Variants in NFAT5 observed in about 807,000 individuals in gnomAD.
NFAT5 encodes the protein nuclear factor of activated T-cells 5.
Under a neutral mutation model 166.5 loss-of-function variants are expected in NFAT5, and 31 were observed. That is an observed-to-expected ratio of 0.19 (90% CI 0.14 to 0.25). The LOEUF is 0.25. Among genes scored for constraint, NFAT5 ranks in the 10% least tolerant of loss-of-function variants. The pLI is 1.00. For synonymous variants in NFAT5, 612 were observed against 639.7 expected (o/e 0.96, Z 0.65); for missense variants, 1,449 against 1,821.8 (o/e 0.80, Z 3.72).
At chr16:69,627,921 A>AT (rs1375885047) in intron 3 of NFAT5, among the ~76,000 whole-genome samples, 2 of 152,294 alleles carry the variant, frequency 1.3e-5, no homozygotes, top group South Asian at 4.1e-4. Flanking sequence ...AAGATAAAAT[A>AT]TTTTTTATGA....
chr16:69,645,398 T>C (rs1276072644), intron 3 of NFAT5, among the ~76,000 whole-genome samples: 1 of 152,198 alleles, frequency 6.6e-6, no homozygotes, highest in Non-Finnish European at 1.5e-5. Flanking sequence ...CTTATGGTAG[T>C]TGGGAAAAAT....
chr16:69,591,156 G>A (rs934077257), intron 2 of NFAT5, among the ~76,000 whole-genome samples: 14 of 151,958 alleles, frequency 9.2e-5, no homozygotes, highest in Admixed American at 5.9e-4. Context: ...GGTCTCAAAC[G>A]CCTGACCTCA....
intron 2 of NFAT5, among the ~76,000 whole-genome samples, chr16:69,616,161 G>A (rs574505330): frequency 2.6e-5 from 4 of 152,020 alleles, no homozygotes; most frequent in South Asian, 4.2e-4. Context: ...CTTTCCCACC[G>A]TAGGCAACCC....
At position 69,700,369 on chromosome 16, in the gene NFAT5, C is replaced by G. The variant is rs2037876957; in HGVS notation, c.*4018C>G. 6.6e-6 allele frequency: 1 copy of G among 152,176 alleles called. No individual in the cohort carries two copies. The highest frequency in any genetic ancestry group is 1.5e-5 in the Non-Finnish European group (1 of 68,042). The allele number at this position is 152,176 out of a possible 1,614,324, so 9.4% of individuals were successfully genotyped here. On this transcript the variant is annotated 3_prime_UTR_variant, in exon 15 of 15. Coordinates refer to ENST00000349945, the MANE Select transcript of NFAT5 (RefSeq NM_138713.4). ...AAATGAGAAAGTTGTATCTGAGTCC[C>G]TCCAGAACTAAGATAATTCTTTTTG...
At chr16:69,597,912 G>T (rs1156736269) in intron 2 of NFAT5, among the ~76,000 whole-genome samples, 3 of 152,000 alleles carry the variant, frequency 2.0e-5, no homozygotes, top group African/African-American at 7.2e-5. Flanking sequence ...GTGAATAGAG[G>T]GTAGATAACT....
intron 10 of NFAT5, among the ~76,000 whole-genome samples, chr16:69,683,440 G>T (rs1440731900): frequency 1.3e-5 from 2 of 151,596 alleles, no homozygotes; most frequent in African/African-American, 4.9e-5. Flanking sequence ...GCTGAGGTGG[G>T]TGATGGCTTG....
At chr16:69,608,313 C>T (rs1364183939) in intron 2 of NFAT5, among the ~76,000 whole-genome samples, 1 of 152,136 alleles carries the variant, frequency 6.6e-6, no homozygotes, top group African/African-American at 2.4e-5. Flanking sequence ...ATGATCACTA[C>T]TCAACTAGAT....
At chr16:69,666,355 A>G (rs1485116714) in intron 7 of NFAT5, among the ~76,000 whole-genome samples, 1 of 152,078 alleles carries the variant, frequency 6.6e-6, no homozygotes, top group Non-Finnish European at 1.5e-5. Flanking sequence ...CTGCACAGCA[A>G]AAGAAACTAC....
At chr16:69,574,818 A>G (rs993939144) in intron 2 of NFAT5, among the ~76,000 whole-genome samples, 14 of 151,778 alleles carry the variant, frequency 9.2e-5, no homozygotes, top group African/African-American at 3.4e-4. Flanking sequence ...ACAGGCACGC[A>G]CCACCATGTC....
intron 2 of NFAT5, among the ~76,000 whole-genome samples, chr16:69,625,000 A>G (rs181731356): frequency 8.7e-4 from 132 of 151,800 alleles, no homozygotes; most frequent in Admixed American, 1.6e-3. Context: ...CCTGGGTTCA[A>G]GTGATTCTCC....
chr16:69,642,219 G>A (rs2035244683), intron 3 of NFAT5, among the ~76,000 whole-genome samples: 1 of 152,128 alleles, frequency 6.6e-6, no homozygotes, highest in African/African-American at 2.4e-5. Flanking sequence ...GCCAGTCTTT[G>A]AATCTCAACT....
intron 2 of NFAT5, among the ~76,000 whole-genome samples, chr16:69,600,711 A>G (rs2033081287): frequency 6.7e-6 from 1 of 149,412 alleles, no homozygotes; most frequent in African/African-American, 2.5e-5. Context: ...AGTAGCCTTA[A>G]GAGAATCATC....
At chr16:69,569,770 T>C (rs962668823) in intron 2 of NFAT5, among the ~76,000 whole-genome samples, 1 of 152,240 alleles carries the variant, frequency 6.6e-6, no homozygotes, top group South Asian at 2.1e-4. Flanking sequence ...TTAGAGCATA[T>C]AAAATGTTCT....
At position 69,677,234 on chromosome 16, in the gene NFAT5, A is replaced by G; in HGVS notation, c.1589A>G (p.His530Arg). Residue 530 changes from histidine to arginine, a missense_variant, in exon 10 of 15, where the codon CAT becomes CGT. Physicochemically the swap from His to Arg is conservative, Grantham distance 29. This residue lies in a region of NFAT5 where 245 missense variants were observed against 366.6 expected (regional missense o/e 0.67). Coordinates refer to ENST00000349945, the MANE Select transcript of NFAT5 (RefSeq NM_138713.4). Reference protein sequence around the residue: ...NHLIVKVPPYHDQHITLPVSV... With the variant: ...NHLIVKVPPYRDQHITLPVSV... ...CTTATTGTGAAGGTTCCTCCCTATC[A>G]TGACCAACATATAACTTTGCCTGTG... The G allele has an allele frequency of 6.2e-7, 1 of 1,610,588 alleles. No individual in the cohort carries two copies. The highest frequency in any genetic ancestry group is 8.5e-7 in the Non-Finnish European group (1 of 1,179,060).
At chr16:69,644,091 C>G (rs992617630) in intron 3 of NFAT5, among the ~76,000 whole-genome samples, 2 of 152,068 alleles carry the variant, frequency 1.3e-5, no homozygotes, top group Admixed American at 1.3e-4. Context: ...TTTGAGACCA[C>G]CTGGGCAGCA....
At chr16:69,642,709 C>T (rs1453403071) in intron 3 of NFAT5, among the ~76,000 whole-genome samples, 1 of 151,426 alleles carries the variant, frequency 6.6e-6, no homozygotes, top group African/African-American at 2.4e-5. Flanking sequence ...CCCAGCTACT[C>T]GGGAGGCTAA....
chr16:69,682,339 G>A (rs1035367249), intron 10 of NFAT5, among the ~76,000 whole-genome samples: 1 of 149,256 alleles, frequency 6.7e-6, no homozygotes, highest in Admixed American at 6.7e-5. Flanking sequence ...TGGGTGAGGT[G>A]GCTCACATAT....
intron 2 of NFAT5, among the ~76,000 whole-genome samples, chr16:69,571,199 G>A (rs2016416490): frequency 7.0e-6 from 1 of 142,900 alleles, no homozygotes; most frequent in African/African-American, 2.6e-5. Flanking sequence ...AACTACTCGC[G>A]ATGCTGAGGC....
At chr16:69,683,915 A>G (rs2037175332) in intron 10 of NFAT5, among the ~76,000 whole-genome samples, 1 of 152,180 alleles carries the variant, frequency 6.6e-6, no homozygotes. Context: ...CCTGGCCAAC[A>G]TGGTGAAACC....
Sources: allele counts gnomAD v4.1 joint callset (sites outside exome capture counted in the v4.1 genomes callset), GRCh38; gene constraint gnomAD v4.1.1; regional missense constraint gnomAD v4.1.1; transcripts MANE v1.5; gene names NCBI Gene and HGNC (gene_info 2026-07-23, HGNC 2026-07-21).